DPYD: variants seen among roughly 807,000 people sequenced by gnomAD.
DPYD encodes dihydropyrimidine dehydrogenase [NADP(+)].
In DPYD, 109 loss-of-function variants were observed where a neutral mutation model predicts 116.2. The ratio of observed to expected loss-of-function variants is 0.94; its 90% CI spans 0.80 to 1.10. DPYD has a LOEUF of 1.10. Ranked by LOEUF, DPYD falls within the 50% of genes least tolerant of loss-of-function variation. DPYD has a pLI of 0.00. For missense variants in DPYD, 1,302 were observed against 1,254.5 expected (o/e 1.04, Z -0.57); for synonymous variants, 440 against 432.0 (o/e 1.02, Z -0.23).
intron 13 of DPYD, among the ~76,000 whole-genome samples, chr1:97,496,005 T>G (rs772964328): frequency 7.2e-5 from 11 of 152,148 alleles, no homozygotes; most frequent in African/African-American, 9.6e-5. Flanking sequence ...AGTTTTCTTT[T>G]GATATTGAAA....
intron 14 of DPYD, among the ~76,000 whole-genome samples, chr1:97,444,990 C>T (rs1675999235): frequency 1.3e-5 from 2 of 152,144 alleles, no homozygotes; most frequent in Admixed American, 1.3e-4. Context: ...GACCTAACGG[C>T]ATGCCAGGCA....
intron 14 of DPYD, among the ~76,000 whole-genome samples, chr1:97,407,216 A>G (rs1673710584): frequency 6.6e-6 from 1 of 152,204 alleles, no homozygotes; most frequent in African/African-American, 2.4e-5. Context: ...AATTACATGG[A>G]ATGATGCACA....
At chr1:97,383,473 C>A (rs1672099143) in intron 14 of DPYD, among the ~76,000 whole-genome samples, 1 of 125,986 alleles carries the variant, frequency 7.9e-6, no homozygotes, top group African/African-American at 3.2e-5. Context: ...GAGACTCTGT[C>A]TCAAAAAAAA....
intron 14 of DPYD, among the ~76,000 whole-genome samples, chr1:97,400,736 T>C (rs1236889162): frequency 1.3e-5 from 2 of 152,322 alleles, no homozygotes; most frequent in Admixed American, 1.3e-4. Flanking sequence ...TTTATTTGTG[T>C]AGAGGTGTTT....
At chr1:97,648,145 G>C in intron 8 of DPYD, among the ~76,000 whole-genome samples, 1 of 151,950 alleles carries the variant, frequency 6.6e-6, no homozygotes, top group East Asian at 1.9e-4. Flanking sequence ...TCATAGTTTT[G>C]GTCTGGCAAT....
intron 4 of DPYD, among the ~76,000 whole-genome samples, chr1:97,724,379 T>C (rs1006306463): frequency 1.4e-5 from 2 of 147,454 alleles, no homozygotes; most frequent in Admixed American, 1.4e-4. Context: ...AGATTTATTA[T>C]AGGAAACTGG....
intron 11 of DPYD, among the ~76,000 whole-genome samples, chr1:97,569,934 T>C (rs1216324874): frequency 6.6e-6 from 1 of 152,024 alleles, no homozygotes; most frequent in Non-Finnish European, 1.5e-5. Context: ...GATGATTACT[T>C]ATCACTCTTA....
In DPYD at chr1:97,234,949, G is replaced by A; in HGVS notation, c.2345C>T (p.Ala782Val). ...PIALRAVTSI[A>V]RALPGFPILA... Reference sequence around the variant, plus strand: ...AATGGGAAATCCAGGCAGAGCACGAGCAATGGAGGTCACAGCTCTCAAAGC... The same window carrying A: ...AATGGGAAATCCAGGCAGAGCACGAACAATGGAGGTCACAGCTCTCAAAGC... The change falls in exon 19 of 23, where the codon GCT becomes GTT. Residue 782 changes from alanine (A) to valine (V), a missense_variant. By Grantham distance (64) the Ala-to-Val change is moderately conservative. Coordinates refer to ENST00000370192, the MANE Select transcript of DPYD (RefSeq NM_000110.4). The A allele has an allele frequency of 1.2e-6, 2 of 1,614,012 alleles. No homozygotes were observed. Among genetic ancestry groups the A allele is most frequent in the Non-Finnish European group, 1.7e-6 (2 of 1,179,976 alleles).
chr1:97,632,530 A>G (rs1296975056), intron 8 of DPYD, among the ~76,000 whole-genome samples: 2 of 152,158 alleles, frequency 1.3e-5, no homozygotes, highest in Non-Finnish European at 2.9e-5. Flanking sequence ...ATTTTAAGAC[A>G]CACAATACAT....
At chr1:97,874,653 T>C (rs547627911) in intron 2 of DPYD, among the ~76,000 whole-genome samples, 60 of 152,086 alleles carry the variant, frequency 3.9e-4, no homozygotes, top group African/African-American at 1.3e-3. Context: ...AACTGCAATC[T>C]TGCAGTTACT....
Position 97,551,162 on chromosome 1 carries a change from C to A in DPYD, c.1340-1418G>T, listed in dbSNP as rs1020901876. Among the ~76,000 whole-genome samples the A allele has an allele frequency of 5.3e-5, 8 of 152,038 alleles. No homozygotes were observed. The East Asian group carries it at 1.5e-3, about 29-fold the overall frequency. ...CATACTCAGGTTTTTATTTTAAAAT[C>A]TTCTACTGTTTCTATTTGTTTTTTC... is the stretch of plus-strand genomic sequence containing the variant. On this transcript the variant is annotated intron_variant, in intron 11 of 22. Coordinates refer to ENST00000370192, the MANE Select transcript of DPYD (RefSeq NM_000110.4).
chr1:97,163,792 C>G (rs575831342), intron 20 of DPYD, among the ~76,000 whole-genome samples: 2 of 152,286 alleles, frequency 1.3e-5, no homozygotes, highest in South Asian at 4.1e-4. Flanking sequence ...ACATCTCTTA[C>G]TACTGATGCT....
chr1:97,147,673 C>T (rs1376490158), intron 20 of DPYD, among the ~76,000 whole-genome samples: 1 of 152,114 alleles, frequency 6.6e-6, no homozygotes, highest in East Asian at 1.9e-4. Flanking sequence ...TCCTAAATAT[C>T]CCAACTGTAA....
At chr1:97,711,044 T>C (rs2101001517) in intron 5 of DPYD, among the ~76,000 whole-genome samples, 1 of 152,004 alleles carries the variant, frequency 6.6e-6, no homozygotes, top group East Asian at 1.9e-4. Flanking sequence ...TGATAACTTC[T>C]TGTGATGAAT....
At chr1:97,473,376 T>C (rs193114269) in intron 13 of DPYD, among the ~76,000 whole-genome samples, 1 of 152,356 alleles carries the variant, frequency 6.6e-6, no homozygotes, top group East Asian at 1.9e-4. Flanking sequence ...TTTTTATTCA[T>C]TCATCAATGG....
chr1:97,165,739 C>A (rs746946353), intron 20 of DPYD, among the ~76,000 whole-genome samples: 10 of 152,050 alleles, frequency 6.6e-5, no homozygotes, highest in Non-Finnish European at 1.3e-4. Context: ...GAAGTAACAA[C>A]CCCTTAATAA....
chr1:97,744,533 GTT>G (rs1177271346), intron 3 of DPYD, among the ~76,000 whole-genome samples: 1 of 151,988 alleles, frequency 6.6e-6, no homozygotes, highest in Non-Finnish European at 1.5e-5. Context: ...CTAGAGTTTG[GTT>G]TAATTGAGTC....
intron 19 of DPYD, among the ~76,000 whole-genome samples, chr1:97,194,217 C>T (rs905242782): frequency 3.9e-5 from 6 of 152,148 alleles, no homozygotes; most frequent in African/African-American, 1.4e-4. Flanking sequence ...ATAATCCCCA[C>T]GTGCAGTAGG....
chr1:97,853,599 A>G (rs1008597608), intron 2 of DPYD, among the ~76,000 whole-genome samples: 4 of 152,230 alleles, frequency 2.6e-5, no homozygotes, highest in African/African-American at 9.6e-5. Flanking sequence ...ATTAAACCAT[A>G]TGAATAAATT....
Sources: allele counts gnomAD v4.1 joint callset (sites outside exome capture counted in the v4.1 genomes callset), GRCh38; gene constraint gnomAD v4.1.1; transcripts MANE v1.5; gene names NCBI Gene and HGNC (gene_info 2026-07-23, HGNC 2026-07-21).